The following MCTP1 variants were observed in gnomAD, a reference collection of about 807,000 sequenced individuals.
MCTP1 encodes multiple C2 and transmembrane domain-containing protein 1.
A neutral mutation model predicts 120.6 loss-of-function variants in MCTP1; 69 were observed. That is an observed-to-expected ratio of 0.57 (90% CI 0.47 to 0.70). The LOEUF is 0.70. Ranked by LOEUF, MCTP1 falls within the 30% of genes least tolerant of loss-of-function variation. MCTP1 has a pLI of 0.00. For synonymous variants in MCTP1, 529 were observed against 493.1 expected, an observed-to-expected ratio of 1.07 and a Z score of -0.96; for missense variants, 1,203 against 1,248.8, an observed-to-expected ratio of 0.96 and a Z score of 0.55.
chr5:95,172,254 TC>T (rs1747409371), intron 1 of MCTP1, among the ~76,000 whole-genome samples: 1 of 152,206 alleles, frequency 6.6e-6, no homozygotes, highest in Non-Finnish European at 1.5e-5. Flanking sequence ...TGCTGCCTGA[TC>T]ATTCCTCTGC....
chr5:94,877,222 G>C (rs537236757), intron 12 of MCTP1, among the ~76,000 whole-genome samples: 1 of 152,114 alleles, frequency 6.6e-6, no homozygotes, highest in African/African-American at 2.4e-5. Flanking sequence ...ATTTTACGAT[G>C]AGGAATATTT....
intron 1 of MCTP1, among the ~76,000 whole-genome samples, chr5:95,279,528 A>G (rs1760140890): frequency 6.6e-6 from 1 of 152,182 alleles, no homozygotes; most frequent in East Asian, 1.9e-4. Context: ...TCAACCACAC[A>G]CTTATTTGTA....
intron 1 of MCTP1, among the ~76,000 whole-genome samples, chr5:95,172,223 A>G (rs557690423): frequency 2.0e-5 from 3 of 152,340 alleles, no homozygotes; most frequent in African/African-American, 7.2e-5. Context: ...AGAACAGCGC[A>G]TATTGCTGAA....
In MCTP1 at chr5:94,707,284, C is replaced by T. The variant is rs886231370; in HGVS notation, c.*212G>A. On this transcript the variant is annotated 3_prime_UTR_variant, in exon 23 of 23. Coordinates refer to ENST00000515393, the MANE Select transcript of MCTP1 (RefSeq NM_024717.7). ...ATCCACAGCTAACAAGGTTTTGACA[C>T]AGCAGTAGCAAAACCTTTATCAAGT... The T allele has an allele frequency of 3.4e-5, 16 of 474,884 alleles. No homozygotes were observed. The Admixed American group carries it at 5.6e-4, about 17-fold the overall frequency. The allele number at this position is 474,884 out of a possible 1,614,324, so 29.4% of individuals were successfully genotyped here. A position where few individuals can be genotyped will look rare whatever the true frequency, so the allele number is the denominator to read the frequency against.
At chr5:94,775,380 A>T (rs1775066158) in intron 19 of MCTP1, among the ~76,000 whole-genome samples, 1 of 152,198 alleles carries the variant, frequency 6.6e-6, no homozygotes, top group African/African-American at 2.4e-5. Context: ...CATTAATTAG[A>T]TGTCTAGATT....
chr5:95,230,391 G>A (rs1032810695), intron 1 of MCTP1, among the ~76,000 whole-genome samples: 1 of 152,056 alleles, frequency 6.6e-6, no homozygotes, highest in African/African-American at 2.4e-5. Context: ...TAAGTTTCGG[G>A]GCTGATATGA....
At chr5:95,257,277 T>A (rs1302583078) in intron 1 of MCTP1, among the ~76,000 whole-genome samples, 1 of 152,186 alleles carries the variant, frequency 6.6e-6, no homozygotes, top group Non-Finnish European at 1.5e-5. Flanking sequence ...AGGCACTTCA[T>A]GAGTACTAAA....
Position 94,947,877 on chromosome 5 carries a change from G to A in MCTP1, c.981+5342C>T, listed in dbSNP as rs188950860. ...GTTCAAGCGATCCTCTCACCTCAGC[G>A]CCCCAAAGTGCTGGGATTATAGGCA... On this transcript the variant is annotated intron_variant, in intron 3 of 22. Transcript: ENST00000515393. Among the ~76,000 whole-genome samples the A allele has an allele frequency of 3.3e-3, 502 of 150,128 alleles. 2 individuals are homozygous for A. Among genetic ancestry groups the A allele is most frequent in the Middle Eastern group, 7.0e-3 (2 of 286 alleles).
chr5:95,162,215 A>G (rs1350411711), intron 1 of MCTP1, among the ~76,000 whole-genome samples: 2 of 152,230 alleles, frequency 1.3e-5, no homozygotes, highest in Non-Finnish European at 2.9e-5. Context: ...ATGTTTACAT[A>G]GAGATTTATA....
intron 19 of MCTP1, among the ~76,000 whole-genome samples, chr5:94,762,592 T>A (rs1373088167): frequency 6.6e-6 from 1 of 152,226 alleles, no homozygotes; most frequent in African/African-American, 2.4e-5. Flanking sequence ...ACATTCTCTG[T>A]CTATTCTGAG....
chr5:94,717,706 A>G lies in MCTP1; in HGVS notation c.2611-2820T>C, dbSNP rs546917712. 2.6e-5 allele frequency among the ~76,000 whole-genome samples: 4 copies of G among 152,288 alleles called. No homozygotes were observed. The South Asian group carries it at 8.3e-4, about 32-fold the overall frequency. Reference sequence around the variant, plus strand: ...TAAAAATCAATGTGCAAAAATTTCTAGCATTCCTATACACCAACCATAGAC... The same window carrying G: ...TAAAAATCAATGTGCAAAAATTTCTGGCATTCCTATACACCAACCATAGAC... On this transcript the variant is annotated intron_variant, in intron 19 of 22. Transcript: ENST00000515393.
Position 94,940,616 on chromosome 5 carries a change from G to GTATATATATATACACATATACATATATA in MCTP1, c.1062-422_1062-421insTATATATGTATATGTGTATATATATATA, listed in dbSNP as rs959736219. ...TATATATACACATATACATATATATGTGTATATATATACACATATACATAC... is the reference window on the plus strand; with the variant it reads ...TATATATACACATATACATATATATGTATATATATATACACATATACATATATATGTATATATATACACATATACATAC... On this transcript the variant is annotated intron_variant, in intron 4 of 22. Transcript: ENST00000515393. Among the ~76,000 whole-genome samples, 724 of 142,042 alleles carry GTATATATATATACACATATACATATATA rather than the reference G, an allele frequency of 5.1e-3. 30 individuals carry two copies. The highest frequency in any genetic ancestry group is 0.039 in the East Asian group (192 of 4,890). The allele number at this position is 142,042 out of a possible 152,430, so 93.2% of individuals were successfully genotyped here.
chr5:95,189,480 C>T (rs995065293), intron 1 of MCTP1, among the ~76,000 whole-genome samples: 6 of 152,050 alleles, frequency 3.9e-5, no homozygotes, highest in African/African-American at 7.2e-5. Flanking sequence ...TTTTAAGTGT[C>T]GGTATGGTTG....
chr5:95,004,809 T>C (rs999700620), intron 2 of MCTP1, among the ~76,000 whole-genome samples: 2 of 152,156 alleles, frequency 1.3e-5, no homozygotes, highest in African/African-American at 4.8e-5. Flanking sequence ...AGAGTCCCCA[T>C]GGAGAACCTC....
At chr5:94,907,574 G>A (rs1022193508) in intron 10 of MCTP1, among the ~76,000 whole-genome samples, 4 of 152,168 alleles carry the variant, frequency 2.6e-5, no homozygotes, top group Middle Eastern at 3.4e-3. Context: ...TCAAAAATTA[G>A]CCAAAATATG....
At chr5:94,831,004 T>C (rs557400809) in intron 17 of MCTP1, among the ~76,000 whole-genome samples, 123 of 152,272 alleles carry the variant, frequency 8.1e-4, no homozygotes, top group African/African-American at 2.9e-3. Context: ...CATTAACAAA[T>C]TAAAGATAAT....
intron 2 of MCTP1, among the ~76,000 whole-genome samples, chr5:94,995,053 C>T (rs1012823672): frequency 7.9e-5 from 12 of 152,164 alleles, no homozygotes; most frequent in African/African-American, 1.4e-4. Context: ...AGCTTGCAGA[C>T]GGCCTATTGT....
intron 1 of MCTP1, 101 bp downstream of exon 1, chr5:95,283,755 C>T: frequency 1.1e-6 from 1 of 928,016 alleles, no homozygotes; most frequent in Non-Finnish European, 1.4e-6. Flanking sequence ...ATTTCTCCTC[C>T]CGCCTCCCGG....
At chr5:94,760,692 G>GT (rs5869649) in intron 19 of MCTP1, among the ~76,000 whole-genome samples, 36,905 of 145,346 alleles carry the variant, frequency 0.25, 5,079 homozygotes, top group East Asian at 0.38. Context: ...CAACAAAATT[G>GT]TTTTTTTTTT....
Sources: gnomAD v4.1 joint callset for allele counts (sites outside exome capture counted in the v4.1 genomes callset) on GRCh38, gnomAD v4.1.1 for gene constraint, MANE v1.5 for transcripts, NCBI Gene and HGNC (gene_info 2026-07-23, HGNC 2026-07-21) for gene names.